Variants in AK2 observed in about 807,000 individuals in gnomAD.
The protein encoded by AK2 is adenylate kinase 2, also known as adenylate kinase 2, mitochondrial.
Under a neutral mutation model 24.6 loss-of-function variants are expected in AK2, and 15 were observed. The observed-to-expected ratio is 0.61, with a 90% CI of 0.41 to 0.94. AK2 has a LOEUF of 0.94. Ranked by LOEUF, AK2 falls within the 40% of genes least tolerant of loss-of-function variation. AK2 has a pLI of 0.00. For missense variants in AK2, 257 were observed against 304.1 expected, an observed-to-expected ratio of 0.85 and a Z score of 1.15; for synonymous variants, 102 against 114.0, an observed-to-expected ratio of 0.90 and a Z score of 0.67.
chr1:33,034,711 T>C (rs1282760401), intron 1 of AK2, among the ~76,000 whole-genome samples: 1 of 152,198 alleles, frequency 6.6e-6, no homozygotes, highest in African/African-American at 2.4e-5. Context: ...CTAGTATAGG[T>C]TGTCCATTCC....
chr1:33,020,289 T>C, intron 4 of AK2: 1 of 744,546 alleles, frequency 1.3e-6, no homozygotes, highest in South Asian at 1.8e-5. Flanking sequence ...CAGATGGTTA[T>C]ATTATTTTTA....
At position 33,008,238 on chromosome 1, in the gene AK2, G is replaced by C. The variant is rs948462548; in HGVS notation, c.*4943C>G. The C allele has an allele frequency of 8.8e-6, 4 of 453,868 alleles. No homozygotes were observed. The highest frequency in any genetic ancestry group is 7.1e-5 in the Admixed American group (3 of 42,546). 28.1% of individuals were successfully genotyped at this position (453,868 alleles called of 1,614,324 possible). On this transcript the variant is annotated 3_prime_UTR_variant, in exon 6 of 6. Coordinates refer to ENST00000672715, the MANE Select transcript of AK2 (RefSeq NM_001625.4). ...TCACTAGTGTCATCAGCACCTTTGA[G>C]GGGTAGGGATCATTCCTATTCTACT...
At chr1:33,032,906 A>G (rs1640331072) in intron 1 of AK2, among the ~76,000 whole-genome samples, 1 of 152,214 alleles carries the variant, frequency 6.6e-6, no homozygotes, top group South Asian at 2.1e-4. Flanking sequence ...GCTCACGGCT[A>G]TAATCCCAAC....
intron 1 of AK2, chr1:33,031,695 A>G (rs1429112778): frequency 6.6e-6 from 3 of 455,706 alleles, no homozygotes; most frequent in African/African-American, 6.0e-5. Context: ...TGGGTCTCAG[A>G]GATGTTGCAA....
chr1:33,014,594 C>T lies in AK2; in HGVS notation c.426G>A (p.Arg142=). The T allele has an allele frequency of 6.2e-7, 1 of 1,610,186 alleles. No individual in the cohort carries two copies. The highest frequency in any genetic ancestry group is 1.1e-5 in the South Asian group (1 of 91,034). The change falls in exon 5 of 6, where the codon AGG becomes AGA. Residue 142 remains arginine (R), a splice_region_variant and synonymous_variant. Coordinates refer to ENST00000672715, the MANE Select transcript of AK2 (RefSeq NM_001625.4). The part of the protein sequence containing the change: ...DSLLIRRITG[R]LIHPKSGRSY... ...AACGGCCACTCTTGGGGTGAATCAG[C>T]CTGAAAGACAGCAAATGAATATGAG...
intron 4 of AK2, among the ~76,000 whole-genome samples, chr1:33,014,804 A>T (rs1282717630): frequency 2.6e-5 from 4 of 152,222 alleles, no homozygotes; most frequent in Non-Finnish European, 5.9e-5. Flanking sequence ...CATTATTATG[A>T]GTATCTGGCT....
At chr1:33,019,408 C>T (rs1639393322) in intron 4 of AK2, among the ~76,000 whole-genome samples, 1 of 152,122 alleles carries the variant, frequency 6.6e-6, no homozygotes, top group South Asian at 2.1e-4. Flanking sequence ...CCTAAGAGAC[C>T]CCAGGCCTAG....
intron 1 of AK2, among the ~76,000 whole-genome samples, chr1:33,028,466 AC>A (rs1640038375): frequency 6.6e-6 from 1 of 150,500 alleles, no homozygotes; most frequent in Non-Finnish European, 1.5e-5. Flanking sequence ...GTGCCGCTAC[AC>A]TCCAGCCTGG....
At chr1:33,015,706 C>T (rs1040937479) in intron 4 of AK2, among the ~76,000 whole-genome samples, 5 of 152,162 alleles carry the variant, frequency 3.3e-5, no homozygotes, top group South Asian at 4.1e-4. Context: ...GCCTGACCAA[C>T]GTGGCGAAAC....
intron 4 of AK2, chr1:33,020,188 AACACACACACACACACAC>A (rs56098182): frequency 0.011 from 9,696 of 878,042 alleles, 85 homozygotes; most frequent in Middle Eastern, 0.017. Flanking sequence ...AACATGTTAA[AACACACACACACACACAC>A]ACACACACAC....
Position 33,021,408 on chromosome 1 carries a change from G to A in AK2, c.384C>T (p.Phe128=). The part of the protein sequence containing the change: ...RKEKLDSVIE[F]SIPDSLLIRR... ...GGATCAGCAGAGAGTCTGGGATGCT[G>A]AATTCAATCACAGAATCAAGCTTCT... Residue 128 remains phenylalanine, a synonymous_variant, in exon 4 of 6, where the codon TTC becomes TTT. Coordinates refer to ENST00000672715, the MANE Select transcript of AK2 (RefSeq NM_001625.4). 2 of 1,614,056 alleles carry A rather than the reference G, an allele frequency of 1.2e-6. No individual in the cohort carries two copies. Among genetic ancestry groups the A allele is most frequent in the Non-Finnish European group, 1.7e-6 (2 of 1,179,952 alleles).
rs1030922767 is a variant in AK2, at chr1:33,019,619, A to C, written c.425+1748T>G. On this transcript the variant is annotated intron_variant, in intron 4 of 5. Transcript: ENST00000672715. ...ATTTCATATCGCTTTCCAGGATAAT[A>C]GTGCTAACCCTGTGCTGTCTATTCA... 119 of 987,174 alleles carry C rather than the reference A, an allele frequency of 1.2e-4. 1 individual carries two copies. In the African/African-American group the frequency reaches 1.9e-3, roughly 16 times the overall value. The allele number at this position is 987,174 out of a possible 1,614,324, so 61.2% of individuals were successfully genotyped here.
rs1639662112 is a variant in AK2, at chr1:33,023,237, T to C, written c.219+1205A>G. 2.0e-5 allele frequency among the ~76,000 whole-genome samples: 3 copies of C among 152,286 alleles called. No homozygotes were observed. In the Middle Eastern group the frequency reaches 0.01, roughly 518 times the overall value. ...ATTAGTGCCAGAAAATAATAGATTG[T>C]ATTTGTCCAATCAGGTCAACTGGCC... On this transcript the variant is annotated intron_variant, in intron 2 of 5. Coordinates refer to ENST00000672715, the MANE Select transcript of AK2 (RefSeq NM_001625.4).
chr1:33,024,382 T>C, intron 2 of AK2, 60 bp downstream of exon 2: 1 of 1,609,476 alleles, frequency 6.2e-7, no homozygotes, highest in Non-Finnish European at 8.5e-7. Flanking sequence ...GCTACCATAT[T>C]GGACAGTGCA....
Position 33,013,010 on chromosome 1 carries a change from T to C in AK2, c.*171A>G, listed in dbSNP as rs1285082361. On this transcript the variant is annotated 3_prime_UTR_variant, in exon 6 of 6. Transcript: ENST00000672715. ...CACACACACACACACACAACACACA[T>C]ACACACAGATGAGAGTAGCACACAC... The C allele has an allele frequency of 1.3e-6, 2 of 1,592,422 alleles. No individual in the cohort carries two copies. The highest frequency in any genetic ancestry group is 2.2e-5 in the South Asian group (2 of 90,108).
In AK2 at chr1:33,009,119, C is replaced by T. The variant is rs1455460640; in HGVS notation, c.*4062G>A. 2 of 453,110 alleles carry T rather than the reference C, an allele frequency of 4.4e-6. No homozygotes were observed. Among genetic ancestry groups the T allele is most frequent in the Admixed American group, 2.4e-5 (1 of 42,460 alleles). The allele number at this position is 453,110 out of a possible 1,614,324, so 28.1% of individuals were successfully genotyped here. On this transcript the variant is annotated 3_prime_UTR_variant, in exon 6 of 6. Coordinates refer to ENST00000672715, the MANE Select transcript of AK2 (RefSeq NM_001625.4). ...AAGAGGGAGGGGCTGGTTCAGGGAA[C>T]AGGATTTAATATGTCAGTGAAGACC... is the stretch of plus-strand genomic sequence containing the variant.
chr1:33,013,686 T>C lies in AK2; in HGVS notation c.499-284A>G, dbSNP rs59563783. On this transcript the variant is annotated intron_variant, in intron 5 of 5. Coordinates refer to ENST00000672715, the MANE Select transcript of AK2 (RefSeq NM_001625.4). ...ATAGGCAATGACTTTCTCATCTTTG[T>C]GCTCAGGCGATTCAGCTTCCAAGAT... is the stretch of plus-strand genomic sequence containing the variant. 3.7e-3 allele frequency among the ~76,000 whole-genome samples: 559 copies of C among 152,288 alleles called. 5 individuals are homozygous for C. The highest frequency in any genetic ancestry group is 0.013 in the African/African-American group (520 of 41,556).
chr1:33,018,559 C>A (rs1639337222), intron 4 of AK2, among the ~76,000 whole-genome samples: 1 of 152,230 alleles, frequency 6.6e-6, no homozygotes, highest in Non-Finnish European at 1.5e-5. Context: ...GCTAACCCTG[C>A]CACTCATCTG....
intron 1 of AK2, among the ~76,000 whole-genome samples, chr1:33,026,349 C>A (rs907656278): frequency 4.6e-5 from 7 of 152,184 alleles, no homozygotes; most frequent in Non-Finnish European, 8.8e-5. Context: ...CAGGCACAAG[C>A]CACGTGCCTG....
Sources: gnomAD v4.1 joint callset for allele counts (sites outside exome capture counted in the v4.1 genomes callset) on GRCh38, gnomAD v4.1.1 for gene constraint, MANE v1.5 for transcripts, NCBI Gene and HGNC (gene_info 2026-07-23, HGNC 2026-07-21) for gene names.